SEC11A: variants seen among roughly 807,000 people sequenced by gnomAD.
SEC11A encodes the protein signal peptidase complex catalytic subunit SEC11A.
A neutral mutation model predicts 25.6 loss-of-function variants in SEC11A; 14 were observed. The ratio of observed to expected loss-of-function variants is 0.55; its 90% CI spans 0.36 to 0.85. The LOEUF (loss-of-function observed/expected upper bound fraction) is 0.85, where lower values mean the gene tolerates loss of function less well. Ranked by LOEUF, SEC11A falls within the 40% of genes least tolerant of loss-of-function variation. The pLI, the probability that SEC11A is intolerant of heterozygous loss-of-function variation, is 0.01. For missense variants in SEC11A, 153 were observed against 222.9 expected (o/e 0.69, Z 2.00); for synonymous variants, 83 against 76.4 (o/e 1.09, Z -0.45).
At chr15:84,699,294 A>G (rs1286258513) in intron 1 of SEC11A, among the ~76,000 whole-genome samples, 2 of 149,114 alleles carry the variant, frequency 1.3e-5, no homozygotes, top group Admixed American at 6.7e-5. Context: ...CAGCCTGGGC[A>G]ACAGAGCAAG....
chr15:84,683,832 ACCTATTAAGT>A (rs1287950679), intron 3 of SEC11A, among the ~76,000 whole-genome samples: 2 of 152,108 alleles, frequency 1.3e-5, no homozygotes, highest in African/African-American at 4.8e-5. Context: ...ATCTTACTAG[ACCTATTAAGT>A]CCTACTCCAG....
chr15:84,710,706 A>T (rs1011450340), intron 1 of SEC11A, among the ~76,000 whole-genome samples: 1 of 152,210 alleles, frequency 6.6e-6, no homozygotes, highest in East Asian at 1.9e-4. Context: ...AAATTCTACA[A>T]GTTTAAGAAA....
intron 4 of SEC11A, among the ~76,000 whole-genome samples, chr15:84,676,530 T>C (rs1897138800): frequency 6.6e-6 from 1 of 151,694 alleles, no homozygotes; most frequent in Admixed American, 6.6e-5. Context: ...TCCCAGCACT[T>C]TGGGAGGCCG....
intron 1 of SEC11A, among the ~76,000 whole-genome samples, chr15:84,698,836 C>T (rs1897840158): frequency 6.6e-6 from 1 of 152,046 alleles, no homozygotes; most frequent in Non-Finnish European, 1.5e-5. Context: ...GGATGTTCAA[C>T]CGGTAAAATG....
chr15:84,700,533 G>A (rs1897898654), intron 1 of SEC11A, among the ~76,000 whole-genome samples: 1 of 138,334 alleles, frequency 7.2e-6, no homozygotes, highest in Non-Finnish European at 1.5e-5. Flanking sequence ...GGTGGAGGTT[G>A]CAGTGAGCCG....
At chr15:84,672,097 A>G (rs1045844929) in intron 4 of SEC11A, 4 of 152,658 alleles carry the variant, frequency 2.6e-5, no homozygotes, top group African/African-American at 9.6e-5. Context: ...AGACCATGCC[A>G]AAGACAGCAC....
At chr15:84,696,062 G>C (rs1204713032) in intron 1 of SEC11A, among the ~76,000 whole-genome samples, 1 of 152,116 alleles carries the variant, frequency 6.6e-6, no homozygotes, top group Non-Finnish European at 1.5e-5. Flanking sequence ...TTCCACAAAA[G>C]GAAATATGAA....
At chr15:84,710,267 TA>T (rs1391529569) in intron 1 of SEC11A, among the ~76,000 whole-genome samples, 1 of 152,204 alleles carries the variant, frequency 6.6e-6, no homozygotes, top group Non-Finnish European at 1.5e-5. Flanking sequence ...TTCTTTAAAA[TA>T]TTTTTTTAAT....
intron 4 of SEC11A, among the ~76,000 whole-genome samples, chr15:84,677,532 G>A (rs1897169678): frequency 1.3e-5 from 2 of 150,432 alleles, no homozygotes; most frequent in Non-Finnish European, 3.0e-5. Flanking sequence ...GAGTGCAGTG[G>A]CGTGATCTCG....
At chr15:84,680,926 T>A in intron 3 of SEC11A, 94 bp from the exon 4 acceptor site, 1 of 1,073,778 alleles carries the variant, frequency 9.3e-7, no homozygotes, top group Non-Finnish European at 1.3e-6. Context: ...TTTGTGGCAC[T>A]GGGGTATCTT....
chr15:84,689,639 C>G (rs1259051114), intron 2 of SEC11A, among the ~76,000 whole-genome samples: 1 of 134,166 alleles, frequency 7.5e-6, no homozygotes, highest in Non-Finnish European at 1.6e-5. Flanking sequence ...GACAAAATTT[C>G]AATTGTCACC....
chr15:84,706,887 T>C (rs1255906673), intron 1 of SEC11A, among the ~76,000 whole-genome samples: 1 of 152,180 alleles, frequency 6.6e-6, no homozygotes, highest in Non-Finnish European at 1.5e-5. Flanking sequence ...ACGCAGAAGG[T>C]CACTGTAGTT....
chr15:84,709,571 T>C (rs1327935665), intron 1 of SEC11A, among the ~76,000 whole-genome samples: 2 of 151,994 alleles, frequency 1.3e-5, no homozygotes, highest in Non-Finnish European at 1.5e-5. Context: ...GCCTCCCAAG[T>C]AGCTGGGATT....
intron 1 of SEC11A, among the ~76,000 whole-genome samples, chr15:84,709,320 G>A (rs535898318): frequency 2.6e-5 from 4 of 151,560 alleles, no homozygotes; most frequent in Middle Eastern, 3.5e-3. Context: ...GTGCACCACC[G>A]CACCTAGCTA....
intron 1 of SEC11A, among the ~76,000 whole-genome samples, chr15:84,705,299 C>G (rs1898062715): frequency 6.6e-6 from 1 of 152,120 alleles, no homozygotes; most frequent in Non-Finnish European, 1.5e-5. Flanking sequence ...TAGATTTTCC[C>G]TGTTCAATTA....
At chr15:84,684,589 C>T (rs1446409674) in intron 3 of SEC11A, among the ~76,000 whole-genome samples, 1 of 152,056 alleles carries the variant, frequency 6.6e-6, no homozygotes, top group Non-Finnish European at 1.5e-5. Flanking sequence ...TAAATACATA[C>T]ATTTTGAATA....
At chr15:84,670,458 C>T (rs956512545) in intron 5 of SEC11A, 10 of 277,320 alleles carry the variant, frequency 3.6e-5, no homozygotes, top group East Asian at 1.7e-4. Flanking sequence ...AGGCTGTTCT[C>T]GAACTCCTGA....
At chr15:84,696,669 C>G (rs1897776889) in intron 1 of SEC11A, among the ~76,000 whole-genome samples, 1 of 152,082 alleles carries the variant, frequency 6.6e-6, no homozygotes, top group Non-Finnish European at 1.5e-5. Context: ...ATACTCTTAG[C>G]AGGGTTTATG....
intron 3 of SEC11A, among the ~76,000 whole-genome samples, chr15:84,682,059 G>C (rs1897294845): frequency 6.6e-6 from 1 of 152,012 alleles, no homozygotes; most frequent in Non-Finnish European, 1.5e-5. Context: ...ACACTGTCTT[G>C]AATAACAAAT....
Sources: allele counts gnomAD v4.1 joint callset (sites outside exome capture counted in the v4.1 genomes callset), GRCh38; gene constraint gnomAD v4.1.1; transcripts MANE v1.5; gene names NCBI Gene and HGNC (gene_info 2026-07-23, HGNC 2026-07-21).